Variants in ELMOD1 observed in about 807,000 individuals in gnomAD.
ELMOD1 encodes the protein ELMO domain-containing protein 1.
A neutral mutation model predicts 46.7 loss-of-function variants in ELMOD1; 21 were observed. That is an observed-to-expected ratio of 0.45 (90% confidence interval 0.32 to 0.65). ELMOD1 has a LOEUF of 0.65. ELMOD1 is among the 30% of genes least tolerant of loss of function. The probability of loss-of-function intolerance (pLI) is 0.04; values close to 1 mark genes in which losing one functional copy is unlikely to be tolerated. For synonymous variants in ELMOD1, 122 were observed against 138.2 expected, an observed-to-expected ratio of 0.88 and a Z score of 0.82; for missense variants, 348 against 407.8, an observed-to-expected ratio of 0.85 and a Z score of 1.26.
intron 9 of ELMOD1, chr11:107,653,884 G>GA (rs1866573325): frequency 8.8e-6 from 3 of 341,146 alleles, no homozygotes; most frequent in Non-Finnish European, 1.1e-5. Flanking sequence ...AATGTTTCAG[G>GA]AAGGAGGGGT....
At position 107,649,499 on chromosome 11, in the gene ELMOD1, G is replaced by T. The variant is rs562313042; in HGVS notation, c.555-836G>T. On this transcript the variant is annotated intron_variant, in intron 7 of 11. Coordinates refer to ENST00000265840, the MANE Select transcript of ELMOD1 (RefSeq NM_018712.4). ...AAGGTTATTTGTCTTTTTTATTTGA[G>T]GACATTTTTAGACGCACTGAGCCAA... Among the ~76,000 whole-genome samples, 6 of 152,162 alleles carry T rather than the reference G, an allele frequency of 3.9e-5. No individual in the cohort carries two copies. In the South Asian group the frequency reaches 1.2e-3, roughly 32 times the overall value.
chr11:107,599,059 A>G (rs944835159), intron 1 of ELMOD1, among the ~76,000 whole-genome samples: 15 of 152,328 alleles, frequency 9.8e-5, no homozygotes, highest in African/African-American at 3.1e-4. Flanking sequence ...GCCAGAAGGA[A>G]AGACATACAA....
intron 9 of ELMOD1, 43 bp downstream of exon 9, chr11:107,650,951 CT>C: frequency 9.5e-7 from 1 of 1,050,588 alleles, no homozygotes; most frequent in Non-Finnish European, 1.3e-6. Flanking sequence ...TTTATTTTGT[CT>C]TAGAATAAGT....
chr11:107,654,042 A>T (rs902186127), intron 9 of ELMOD1, 130 bp from the exon 10 acceptor site: 7 of 752,800 alleles, frequency 9.3e-6, no homozygotes, highest in Non-Finnish European at 1.6e-5. Flanking sequence ...CTGTGGCTTA[A>T]CATTTGTTGG....
intron 9 of ELMOD1, 129 bp from the exon 10 acceptor site, chr11:107,654,043 C>G (rs904971577): frequency 7.9e-6 from 6 of 757,070 alleles, no homozygotes; most frequent in Admixed American, 2.4e-5. Context: ...TGTGGCTTAA[C>G]ATTTGTTGGA....
intron 2 of ELMOD1, among the ~76,000 whole-genome samples, chr11:107,626,838 G>A (rs1351960781): frequency 1.3e-5 from 2 of 152,066 alleles, no homozygotes; most frequent in Non-Finnish European, 2.9e-5. Context: ...TAAACTTTGT[G>A]ATTTAGGGAC....
At chr11:107,660,454 G>A (rs1417786890) in intron 11 of ELMOD1, among the ~76,000 whole-genome samples, 1 of 152,198 alleles carries the variant, frequency 6.6e-6, no homozygotes, top group Non-Finnish European at 1.5e-5. Context: ...GTGAGGTTAG[G>A]TGTAATGAGC....
chr11:107,644,313 AG>A (rs1311530393), intron 6 of ELMOD1, among the ~76,000 whole-genome samples: 3 of 151,772 alleles, frequency 2.0e-5, no homozygotes, highest in African/African-American at 7.3e-5. Context: ...AAAAAAAAAA[AG>A]CATTTTATTA....
chr11:107,616,579 A>T (rs1015609249), intron 1 of ELMOD1, among the ~76,000 whole-genome samples: 2 of 151,990 alleles, frequency 1.3e-5, no homozygotes, highest in South Asian at 2.1e-4. Context: ...AGGTTTCTTC[A>T]TGTTGGCCAT....
chr11:107,631,795 C>A, intron 5 of ELMOD1, 118 bp downstream of exon 5: 1 of 532,342 alleles, frequency 1.9e-6, no homozygotes, highest in Non-Finnish European at 3.2e-6. Flanking sequence ...AATCATCTGC[C>A]ATGTTTTGAC....
intron 1 of ELMOD1, among the ~76,000 whole-genome samples, chr11:107,599,815 T>C (rs1865565827): frequency 6.8e-6 from 1 of 147,908 alleles, no homozygotes; most frequent in Non-Finnish European, 1.5e-5. Context: ...CTCTCCAGAC[T>C]AGAGGATTCA....
chr11:107,591,635 T>C lies in ELMOD1; in HGVS notation c.-86+226T>C, dbSNP rs1246256019. On this transcript the variant is annotated intron_variant, in intron 1 of 11. Coordinates refer to ENST00000265840, the MANE Select transcript of ELMOD1 (RefSeq NM_018712.4). ...AGTGATTTCCCCTTCTATCCTGTCCTCCCAATTAACACCCGAGAGGCTGCA... is the reference window on the plus strand; with the variant it reads ...AGTGATTTCCCCTTCTATCCTGTCCCCCCAATTAACACCCGAGAGGCTGCA... 1.1e-5 allele frequency: 4 copies of C among 360,144 alleles called. No homozygotes were observed. The East Asian group carries it at 3.1e-4, about 28-fold the overall frequency. The allele number at this position is 360,144 out of a possible 1,614,324, so 22.3% of individuals were successfully genotyped here.
At position 107,630,710 on chromosome 11, in the gene ELMOD1, G is replaced by A. The variant is rs1287945083; in HGVS notation, c.174G>A (p.Leu58=). The change falls in exon 4 of 12, where the codon CTG becomes CTA. Residue 58 remains leucine, a synonymous_variant. Coordinates refer to ENST00000265840, the MANE Select transcript of ELMOD1 (RefSeq NM_018712.4). Reference sequence around the variant, plus strand: ...TTGCTGCTTTCACAGAAACATCACTGAGGGATTCTAAAAGTAAGGTAAGTA... The same window carrying A: ...TTGCTGCTTTCACAGAAACATCACTAAGGGATTCTAAAAGTAAGGTAAGTA... The part of the protein sequence containing the change: ...ASRTMKIETS[L]RDSKSKLLQT... The A allele has an allele frequency of 1.2e-6, 2 of 1,607,800 alleles. No individual in the cohort carries two copies. The highest frequency in any genetic ancestry group is 2.7e-5 in the African/African-American group (2 of 74,888).
At chr11:107,642,471 C>CA (rs1301277893) in intron 6 of ELMOD1, among the ~76,000 whole-genome samples, 1 of 152,018 alleles carries the variant, frequency 6.6e-6, no homozygotes, top group Admixed American at 6.6e-5. Context: ...CAGGTTCAAT[C>CA]AATTCTCTGC....
At chr11:107,639,173 A>C (rs1321763636) in intron 6 of ELMOD1, among the ~76,000 whole-genome samples, 2 of 152,074 alleles carry the variant, frequency 1.3e-5, no homozygotes, top group African/African-American at 2.4e-5. Flanking sequence ...AATAATAATT[A>C]AATTAAGTTA....
At chr11:107,622,990 T>C (rs1454935740) in intron 2 of ELMOD1, among the ~76,000 whole-genome samples, 2 of 152,184 alleles carry the variant, frequency 1.3e-5, no homozygotes, top group East Asian at 3.9e-4. Context: ...ATATTTTTAT[T>C]ATACTTTAAG....
intron 1 of ELMOD1, among the ~76,000 whole-genome samples, chr11:107,611,561 C>T (rs1033075408): frequency 2.0e-5 from 3 of 151,636 alleles, no homozygotes; most frequent in African/African-American, 4.9e-5. Flanking sequence ...AAAAATTAGC[C>T]GGTCGTGGTG....
intron 1 of ELMOD1, chr11:107,591,747 A>C: frequency 2.3e-6 from 1 of 436,386 alleles, no homozygotes; most frequent in Non-Finnish European, 4.8e-6. Flanking sequence ...GGGATCCCAG[A>C]CAGAGCCAAA....
chr11:107,625,411 A>G, intron 2 of ELMOD1: 7 of 983,980 alleles, frequency 7.1e-6, no homozygotes, highest in Non-Finnish European at 8.4e-6. Flanking sequence ...TCTTCAAGCA[A>G]GAATTAACTT....
Sources: gnomAD v4.1 joint callset for allele counts (sites outside exome capture counted in the v4.1 genomes callset) on GRCh38, gnomAD v4.1.1 for gene constraint, MANE v1.5 for transcripts, NCBI Gene and HGNC (gene_info 2026-07-23, HGNC 2026-07-21) for gene names.